Variants in STK32B observed in about 807,000 individuals in gnomAD.
STK32B encodes serine/threonine kinase 32B.
A neutral mutation model predicts 52.6 loss-of-function variants in STK32B; 43 were observed. The ratio of observed to expected loss-of-function variants is 0.82; its 90% CI spans 0.64 to 1.05. STK32B has a LOEUF of 1.05. STK32B is among the 50% of genes least tolerant of loss of function. The pLI, the probability that STK32B is intolerant of heterozygous loss-of-function variation, is 0.00. For missense variants in STK32B, 621 were observed against 534.6 expected, an observed-to-expected ratio of 1.16 and a Z score of -1.59; for synonymous variants, 238 against 204.3, an observed-to-expected ratio of 1.17 and a Z score of -1.41.
intron 3 of STK32B, among the ~76,000 whole-genome samples, chr4:5,205,890 G>C (rs542312249): frequency 6.6e-6 from 1 of 152,144 alleles, no homozygotes; most frequent in African/African-American, 2.4e-5. Context: ...TGGGACAAAA[G>C]GTTAGGGCAG....
chr4:5,158,123 T>A (rs1324009977), intron 2 of STK32B, among the ~76,000 whole-genome samples: 1 of 152,078 alleles, frequency 6.6e-6, no homozygotes, highest in African/African-American at 2.4e-5. Context: ...TCGGCCAGAG[T>A]AGATGATCCA....
rs199547988 is a variant in STK32B, at chr4:5,466,835, G to T, written c.1041+1G>T. The T allele has an allele frequency of 1.2e-6, 2 of 1,612,936 alleles. No individual in the cohort carries two copies. The highest frequency in any genetic ancestry group is 1.7e-6 in the Non-Finnish European group (2 of 1,179,482). On this transcript the variant is annotated splice_donor_variant, in intron 10 of 11. Transcript: ENST00000282908. LOFTEE classifies it high-confidence loss of function. ...TGGCACAAAGGACAGCTGCCCGCTG[G>T]TGAGTGCTTCGTGGGAGCCGTTCCG...
intron 3 of STK32B, among the ~76,000 whole-genome samples, chr4:5,209,432 C>T (rs762657349): frequency 1.3e-5 from 2 of 152,094 alleles, no homozygotes; most frequent in Non-Finnish European, 2.9e-5. Context: ...CTATGTTGCC[C>T]AAGCTGTTCT....
chr4:5,399,497 G>A lies in STK32B; in HGVS notation c.472+1253G>A, dbSNP rs1327637945. 2.6e-5 allele frequency among the ~76,000 whole-genome samples: 4 copies of A among 152,178 alleles called. No individual in the cohort carries two copies. Among genetic ancestry groups the A allele is most frequent in the African/African-American group, 9.7e-5 (4 of 41,432 alleles). On this transcript the variant is annotated intron_variant, in intron 5 of 11. Transcript: ENST00000282908. The surrounding 1 kb of genome is among the most constrained non-coding windows in gnomAD (Gnocchi z 5.4). ...CAGACTAAGTGCTTTGGGGGCAGTA[G>A]GATTGAACTCACTGTGCTCCTGAAT...
In STK32B at chr4:5,460,353, C is replaced by A. The variant is rs1716937984; in HGVS notation, c.909+125C>A. 5.0e-6 allele frequency: 7 copies of A among 1,411,426 alleles called. No individual in the cohort carries two copies. Among genetic ancestry groups the A allele is most frequent in the East Asian group, 2.4e-5 (1 of 42,216 alleles). The allele number at this position is 1,411,426 out of a possible 1,614,324, so 87.4% of individuals were successfully genotyped here. On this transcript the variant is annotated intron_variant, in intron 9 of 11. Coordinates refer to ENST00000282908, the MANE Select transcript of STK32B (RefSeq NM_018401.3). The surrounding 1 kb of genome is among the most constrained non-coding windows in gnomAD (Gnocchi z 4.8). ...GCCACTTCCACCTGAGCACCAAGGGCTTATGTCTTGCTGGAATTCAGGGTG... is the reference window on the plus strand; with the variant it reads ...GCCACTTCCACCTGAGCACCAAGGGATTATGTCTTGCTGGAATTCAGGGTG...
intron 4 of STK32B, among the ~76,000 whole-genome samples, chr4:5,357,070 TATACACACACAC>T (rs1734232899): frequency 7.0e-6 from 1 of 142,736 alleles, no homozygotes. Context: ...TATACACACA[TATACACACACAC>T]ACGTATACAC....
intron 4 of STK32B, among the ~76,000 whole-genome samples, chr4:5,342,251 G>A (rs966674060): frequency 3.9e-5 from 6 of 152,098 alleles, no homozygotes; most frequent in South Asian, 2.1e-4. Flanking sequence ...ACATGCACAC[G>A]TATGTTTATT....
At position 5,068,925 on chromosome 4, in the gene STK32B, A is replaced by ACCT. The variant is rs1264922639; in HGVS notation, c.52+17010_52+17011insCCT. ...TGTGTGTGCATGTGTATGTGGCAAG[A>ACCT]ACACGTAAGACCTACTCCCTTGGCA... On this transcript the variant is annotated intron_variant, in intron 1 of 11. Transcript: ENST00000282908. Among the ~76,000 whole-genome samples the ACCT allele has an allele frequency of 1.3e-3, 198 of 152,326 alleles. 2 individuals carry two copies. The highest frequency in any genetic ancestry group is 2.5e-4 in the Non-Finnish European group (17 of 68,026).
rs1167652235 is a variant in STK32B at position 5,446,743 on chromosome 4, G to C, written c.633G>C (p.Leu211=). The C allele has an allele frequency of 1.9e-6, 3 of 1,613,906 alleles. No individual in the cohort carries two copies. The highest frequency in any genetic ancestry group is 1.6e-4 in the Middle Eastern group (1 of 6,082). Residue 211 remains leucine (L), a synonymous_variant, in exon 7 of 12, where the codon CTG becomes CTC. Transcript: ENST00000282908. ...CGTACCCTGTCGACTGGTGGTCCCTGGGCATCACAGCCTATGAGCTGCTGC... is the reference window on the plus strand; with the variant it reads ...CGTACCCTGTCGACTGGTGGTCCCTCGGCATCACAGCCTATGAGCTGCTGC... ...GYSYPVDWWS[L]GITAYELLRG... is the part of the protein sequence containing the mutation.
chr4:5,190,267 A>G (rs1021341349), intron 3 of STK32B, among the ~76,000 whole-genome samples: 3 of 152,178 alleles, frequency 2.0e-5, no homozygotes, highest in African/African-American at 7.2e-5. Context: ...GATGATTTTC[A>G]TAGCTAACAT....
intron 3 of STK32B, among the ~76,000 whole-genome samples, chr4:5,292,503 T>C (rs1302564972): frequency 6.6e-6 from 1 of 152,054 alleles, no homozygotes; most frequent in Non-Finnish European, 1.5e-5. Flanking sequence ...TTTTTTCTTG[T>C]TGATTTGTTT....
At chr4:5,429,227 C>A (rs973376729) in intron 6 of STK32B, among the ~76,000 whole-genome samples, 1 of 141,558 alleles carries the variant, frequency 7.1e-6, no homozygotes, top group African/African-American at 2.5e-5. Context: ...TGTAGGCAAT[C>A]TTTTAAATCC....
At chr4:5,331,025 C>A (rs968868840) in intron 3 of STK32B, among the ~76,000 whole-genome samples, 195 bp from the exon 4 acceptor site, 1 of 152,062 alleles carries the variant, frequency 6.6e-6, no homozygotes, top group African/African-American at 2.4e-5. Flanking sequence ...AATGAGGAAA[C>A]CCCAACAAAT....
At chr4:5,205,707 T>C (rs62298539) in intron 3 of STK32B, among the ~76,000 whole-genome samples, 105,588 of 142,940 alleles carry the variant, frequency 0.74, 37,305 homozygotes, top group East Asian at 0.9. Flanking sequence ...CGCGCGCGTG[T>C]GTGTGTGTGT....
chr4:5,146,506 A>C (rs946502729), intron 2 of STK32B, among the ~76,000 whole-genome samples: 1 of 152,166 alleles, frequency 6.6e-6, no homozygotes, highest in African/African-American at 2.4e-5. Context: ...TTCTAGCTGG[A>C]CTGGCAGCCG....
At chr4:5,035,140 A>G in the STK32B span, among the ~76,000 whole-genome samples, 1 of 152,194 alleles carries the variant, frequency 6.6e-6, no homozygotes, top group Non-Finnish European at 1.5e-5. Flanking sequence ...ACAGAACTTC[A>G]GAACCACGTT....
In STK32B at chr4:5,498,915, C is replaced by T; in HGVS notation, c.1107-30C>T. On this transcript the variant is annotated intron_variant, in intron 11 of 11. Transcript: ENST00000282908. ...TGTGCCTCCACAACCCCATGCCGCACCACTAACTCAGATCTGTGCTTGTTT... is the reference window on the plus strand; with the variant it reads ...TGTGCCTCCACAACCCCATGCCGCATCACTAACTCAGATCTGTGCTTGTTT... 4 of 1,599,846 alleles carry T rather than the reference C, an allele frequency of 2.5e-6. No homozygotes were observed. In the South Asian group the frequency reaches 4.5e-5, roughly 18 times the overall value.
In STK32B at chr4:5,270,225, G is replaced by A. The variant is rs115065666; in HGVS notation, c.261-60995G>A. 3.9e-3 allele frequency among the ~76,000 whole-genome samples: 591 copies of A among 152,238 alleles called. 4 individuals carry two copies. Among genetic ancestry groups the A allele is most frequent in the African/African-American group, 0.013 (531 of 41,542 alleles). ...TATTGACTCACACGATTACAGGTGA[G>A]GTCCCACAATAGTCCATCTGCAAGC... On this transcript the variant is annotated intron_variant, in intron 3 of 11. Transcript: ENST00000282908.
chr4:5,461,473 G>T (rs1717019222), intron 9 of STK32B, among the ~76,000 whole-genome samples: 1 of 152,192 alleles, frequency 6.6e-6, no homozygotes, highest in Non-Finnish European at 1.5e-5. Context: ...CAGGCTTCCA[G>T]ACCTTTTTCA....
Sources: allele counts gnomAD v4.1 joint callset (sites outside exome capture counted in the v4.1 genomes callset), GRCh38; gene constraint gnomAD v4.1.1; non-coding constraint Gnocchi (gnomAD v3.1); transcripts MANE v1.5; gene names NCBI Gene and HGNC (gene_info 2026-07-23, HGNC 2026-07-21).